NAALADL2: variants seen among roughly 807,000 people sequenced by gnomAD.
NAALADL2 encodes N-acetylated alpha-linked acidic dipeptidase like 2.
A neutral mutation model predicts 87.2 loss-of-function variants in NAALADL2; 76 were observed. The ratio of observed to expected loss-of-function variants is 0.87; its 90% CI spans 0.72 to 1.05. The LOEUF is 1.05. Ranked by LOEUF, NAALADL2 falls within the 50% of genes least tolerant of loss-of-function variation. NAALADL2 has a pLI of 0.00. For missense variants in NAALADL2, 1,089 were observed against 945.8 expected (o/e 1.15, Z -1.99); for synonymous variants, 354 against 331.0 (o/e 1.07, Z -0.75).
At chr3:175,200,625 C>G (rs988696625) in intron 2 of NAALADL2, among the ~76,000 whole-genome samples, 29 of 152,180 alleles carry the variant, frequency 1.9e-4, no homozygotes, top group African/African-American at 6.5e-4. Flanking sequence ...TTAAACCTGA[C>G]TCACATCCAG....
intron 1 of NAALADL2, among the ~76,000 whole-genome samples, chr3:174,511,575 GTAAA>G (rs1452022378): frequency 6.6e-6 from 1 of 151,476 alleles, no homozygotes; most frequent in Non-Finnish European, 1.5e-5. Flanking sequence ...TGGTTAGATG[GTAAA>G]TAGTTTTTTT....
intron 2 of NAALADL2, among the ~76,000 whole-genome samples, chr3:174,701,792 G>T (rs1246308655): frequency 6.6e-6 from 1 of 152,064 alleles, no homozygotes; most frequent in Non-Finnish European, 1.5e-5. Context: ...TTTTATTGTT[G>T]AGTAGTGTTC....
Position 175,808,745 on chromosome 3 carries a change from T to G in NAALADL2, c.*5542T>G. Reference sequence around the variant, plus strand: ...GCAAGCTCAAGAGATTAATATACAATCATTATTATGAATTATTATGTTGCA... The same window carrying G: ...GCAAGCTCAAGAGATTAATATACAAGCATTATTATGAATTATTATGTTGCA... On this transcript the variant is annotated 3_prime_UTR_variant, in exon 14 of 14. Coordinates refer to ENST00000454872, the MANE Select transcript of NAALADL2 (RefSeq NM_207015.3). 1 of 151,604 alleles carries G rather than the reference T, an allele frequency of 6.6e-6. No individual in the cohort carries two copies. Among genetic ancestry groups the G allele is most frequent in the East Asian group, 1.9e-4 (1 of 5,176 alleles). 9.4% of individuals were successfully genotyped at this position (151,604 alleles called of 1,614,324 possible). A position where few individuals can be genotyped will look rare whatever the true frequency, so the allele number is the denominator to read the frequency against.
rs561921383 is a variant in NAALADL2, at chr3:174,606,909, G to A, written c.-115+56272G>A. On this transcript the variant is annotated intron_variant, in intron 2 of 3. Transcript: ENST00000434257. ...TGAAATGAAGGAAAAAATGTTAAGG[G>A]CAGCCAGAAAGGTCGGGTTACCCAC... Among the ~76,000 whole-genome samples the A allele has an allele frequency of 7.6e-4, 115 of 152,106 alleles. 1 individual carries two copies. Among genetic ancestry groups the A allele is most frequent in the Admixed American group, 2.5e-3 (38 of 15,280 alleles).
At chr3:175,327,307 C>T (rs1206907314) in intron 5 of NAALADL2, among the ~76,000 whole-genome samples, 4 of 152,182 alleles carry the variant, frequency 2.6e-5, no homozygotes, top group South Asian at 2.1e-4. Context: ...AGGCGCCTGC[C>T]ACCATGCCCG....
At chr3:174,615,304 G>C (rs1344936597) in intron 2 of NAALADL2, among the ~76,000 whole-genome samples, 2 of 152,170 alleles carry the variant, frequency 1.3e-5, no homozygotes, top group African/African-American at 4.8e-5. Flanking sequence ...CCGTCTTCTA[G>C]TGATGGTTTA....
At chr3:175,541,820 T>A (rs1200811175) in intron 9 of NAALADL2, among the ~76,000 whole-genome samples, 1 of 152,130 alleles carries the variant, frequency 6.6e-6, no homozygotes, top group Non-Finnish European at 1.5e-5. Flanking sequence ...CCTCCCAGGT[T>A]CAAGTGATTC....
At chr3:174,612,183 T>C (rs1719980465) in intron 2 of NAALADL2, among the ~76,000 whole-genome samples, 1 of 152,204 alleles carries the variant, frequency 6.6e-6, no homozygotes, top group African/African-American at 2.4e-5. Flanking sequence ...CTCCACTGTA[T>C]GTTACTGTTT....
Position 174,454,908 on chromosome 3 carries a change from A to C in NAALADL2, c.-184+13876A>C, listed in dbSNP as rs182053910. ...ATCAGAGCTGAACTGAAGGAGACTG[A>C]GACATAGAAAAGCACTCAAAAGATC... On this transcript the variant is annotated intron_variant, in intron 1 of 3. Coordinates refer to the NAALADL2 transcript ENST00000434257. Among the ~76,000 whole-genome samples the C allele has an allele frequency of 2.0e-5, 3 of 152,138 alleles. No homozygotes were observed. In the East Asian group the frequency reaches 5.8e-4, roughly 29 times the overall value.
At chr3:174,550,983 T>C (rs1324420160) in intron 2 of NAALADL2, 2 of 151,948 alleles carry the variant, frequency 1.3e-5, no homozygotes, top group African/African-American at 4.8e-5. Flanking sequence ...GTATGTGCAT[T>C]TTATTTTATT....
chr3:174,717,275 C>G (rs1275206272), intron 2 of NAALADL2, among the ~76,000 whole-genome samples: 1 of 152,006 alleles, frequency 6.6e-6, no homozygotes, highest in African/African-American at 2.4e-5. Context: ...CAGAGAGACT[C>G]ATTATAAAGC....
intron 1 of NAALADL2, among the ~76,000 whole-genome samples, chr3:174,491,949 T>C (rs1203226976): frequency 6.6e-6 from 1 of 152,148 alleles, no homozygotes; most frequent in Non-Finnish European, 1.5e-5. Context: ...ATTTAAAAAA[T>C]AGATACAGTG....
chr3:175,264,074 G>A (rs1396459691), intron 4 of NAALADL2, among the ~76,000 whole-genome samples: 3 of 151,612 alleles, frequency 2.0e-5, no homozygotes, highest in South Asian at 4.1e-4. Flanking sequence ...CTTCTGTACT[G>A]CTATCTGCTC....
rs145208904 is a variant in NAALADL2, at chr3:174,939,851, A to T, written c.43+80401A>T. Among the ~76,000 whole-genome samples, 480 of 152,156 alleles carry T rather than the reference A, an allele frequency of 3.2e-3. 2 individuals are homozygous for T. Among genetic ancestry groups the T allele is most frequent in the African/African-American group, 0.011 (462 of 41,542 alleles). On this transcript the variant is annotated intron_variant, in intron 1 of 13. Coordinates refer to ENST00000454872, the MANE Select transcript of NAALADL2 (RefSeq NM_207015.3). ...CAATGCTAGTGATTTTTGTACATTG[A>T]TTTGGTATCTTAAAATGTTGCTGAA...
At chr3:175,057,864 G>T (rs1257444803) in intron 1 of NAALADL2, among the ~76,000 whole-genome samples, 1 of 152,144 alleles carries the variant, frequency 6.6e-6, no homozygotes, top group Non-Finnish European at 1.5e-5. Context: ...CTACTACATT[G>T]TTTGAGAATC....
chr3:174,863,923 T>C (rs1726825372), intron 1 of NAALADL2: 2 of 399,486 alleles, frequency 5.0e-6, no homozygotes, highest in South Asian at 3.8e-5. Flanking sequence ...GTTCAAACAC[T>C]TGAAGACCTG....
intron 11 of NAALADL2, among the ~76,000 whole-genome samples, chr3:175,658,630 T>C (rs555960721): frequency 6.6e-6 from 1 of 152,294 alleles, no homozygotes; most frequent in Non-Finnish European, 1.5e-5. Context: ...CAGAAATGCT[T>C]CATATGGTTT....
At chr3:175,252,607 C>G (rs1167409114) in intron 3 of NAALADL2, among the ~76,000 whole-genome samples, 1 of 152,098 alleles carries the variant, frequency 6.6e-6, no homozygotes, top group Non-Finnish European at 1.5e-5. Flanking sequence ...ATGTCTCTCA[C>G]TTTCAATAAG....
chr3:175,158,025 A>G (rs983338318), intron 2 of NAALADL2, among the ~76,000 whole-genome samples: 4 of 152,110 alleles, frequency 2.6e-5, no homozygotes, highest in African/African-American at 7.2e-5. Flanking sequence ...GATTTTTATT[A>G]AAGAACTTTG....
Sources: allele counts gnomAD v4.1 joint callset (sites outside exome capture counted in the v4.1 genomes callset), GRCh38; gene constraint gnomAD v4.1.1; transcripts MANE v1.5; gene names NCBI Gene and HGNC (gene_info 2026-07-23, HGNC 2026-07-21).